The following OR10H1 variants were observed in gnomAD, a reference collection of about 807,000 sequenced individuals.
OR10H1 encodes the protein olfactory receptor family 10 subfamily H member 1.
A neutral mutation model predicts 13.1 loss-of-function variants in OR10H1; 12 were observed. The observed-to-expected ratio is 0.92, with a 90% CI of 0.59 to 1.48. OR10H1 has a LOEUF of 1.48. Among genes scored for constraint, OR10H1 ranks in the 40% most tolerant of loss-of-function variants. The pLI, the probability that OR10H1 is intolerant of heterozygous loss-of-function variation, is 0.00. For missense variants in OR10H1, 363 were observed against 413.1 expected, an observed-to-expected ratio of 0.88 and a Z score of 1.05; for synonymous variants, 168 against 175.6, an observed-to-expected ratio of 0.96 and a Z score of 0.34.
intron 1 of OR10H1, among the ~76,000 whole-genome samples, chr19:15,814,488 AGAGAGAGAGAGAGAGAGAGAGAGAG>A (rs1289391810): frequency 1.1e-3 from 46 of 40,286 alleles, no homozygotes; most frequent in African/African-American, 4.7e-3. Flanking sequence ...TGTGAGAGAG[AGAGAGAGAGAGAGAGAGAGAGAGAG>A]AGAGAGAGAG....
rs1357839250 is a variant in OR10H1, at chr19:15,807,911, G to A, written c.127C>T (p.Leu43=). The A allele has an allele frequency of 1.2e-6, 2 of 1,614,098 alleles. No individual in the cohort carries two copies. The highest frequency in any genetic ancestry group is 1.7e-6 in the Non-Finnish European group (2 of 1,180,006). ...LMYLFTLLGN[L]LIMATVWSER... ...CTCCAGACGGTGGCCATGATGAGCA[G>A]GTTGCCCAGCAGCGTGAACAGGTAC... is the stretch of plus-strand genomic sequence containing the variant. The change falls in exon 4 of 4, where the codon CTG becomes TTG. Residue 43 remains leucine (L), a synonymous_variant. Transcript: ENST00000641419.
At chr19:15,814,466 TGTGTGTGTGTGTGTGA>T (rs2088952304) in intron 1 of OR10H1, among the ~76,000 whole-genome samples, 1 of 91,986 alleles carries the variant, frequency 1.1e-5, no homozygotes, top group East Asian at 2.3e-4. Context: ...TGTGTGTGTG[TGTGTGTGTGTGTGTGA>T]GAGAGAGAGA....
In OR10H1 at chr19:15,806,233, G is replaced by T. The variant is rs1292118623; in HGVS notation, c.*848C>A. 6.6e-6 allele frequency: 1 copy of T among 152,186 alleles called. No individual in the cohort carries two copies. Among genetic ancestry groups the T allele is most frequent in the Non-Finnish European group, 1.5e-5 (1 of 68,038 alleles). 9.4% of individuals were successfully genotyped at this position (152,186 alleles called of 1,614,324 possible). On this transcript the variant is annotated 3_prime_UTR_variant, in exon 4 of 4. Transcript: ENST00000641419. Reference sequence around the variant, plus strand: ...CTAACTGACACAGTTTCTTGCAGCAGATAGAAATAATCAAACCTGGTTTTC... The same window carrying T: ...CTAACTGACACAGTTTCTTGCAGCATATAGAAATAATCAAACCTGGTTTTC...
chr19:15,807,651 G>A lies in OR10H1; in HGVS notation c.387C>T (p.Pro129=). 1 of 1,614,108 alleles carries A rather than the reference G, an allele frequency of 6.2e-7. No individual in the cohort carries two copies. The highest frequency in any genetic ancestry group is 8.5e-7 in the Non-Finnish European group (1 of 1,180,000). ...GGCTCATGAGCACGTTGTAGCGCAG[G>A]GGGTGGCAGATGGCCACGTAGCGGT... ...GYDRYVAICH[P]LRYNVLMSPR... is the part of the protein sequence containing the mutation. Residue 129 remains proline (P), a synonymous_variant, in exon 4 of 4, where the codon CCC becomes CCT. Coordinates refer to ENST00000641419, the MANE Select transcript of OR10H1 (RefSeq NM_013940.4).
Position 15,805,694 on chromosome 19 carries a change from C to G in OR10H1, c.*1387G>C, listed in dbSNP as rs1262297799. ...AACTCCTGACCTCAGGGGATCCACC[C>G]ACCTTGGCCTCCCAAAGTGCTGGGA... On this transcript the variant is annotated 3_prime_UTR_variant, in exon 4 of 4. Coordinates refer to ENST00000641419, the MANE Select transcript of OR10H1 (RefSeq NM_013940.4). 6.6e-6 allele frequency: 1 copy of G among 152,344 alleles called. No homozygotes were observed. The highest frequency in any genetic ancestry group is 2.1e-4 in the South Asian group (1 of 4,824). The allele number at this position is 152,344 out of a possible 1,614,324, so 9.4% of individuals were successfully genotyped here. A position where few individuals can be genotyped will look rare whatever the true frequency, so the allele number is the denominator to read the frequency against.
At chr19:15,811,792 A>C (rs943113972) in intron 2 of OR10H1, among the ~76,000 whole-genome samples, 4 of 152,140 alleles carry the variant, frequency 2.6e-5, no homozygotes, top group African/African-American at 9.7e-5. Flanking sequence ...GCATTGGTTC[A>C]ATTCTCGCTC....
At chr19:15,815,290 G>A (rs548155998) in intron 1 of OR10H1, among the ~76,000 whole-genome samples, 1 of 150,392 alleles carries the variant, frequency 6.6e-6, no homozygotes, top group African/African-American at 2.5e-5. Context: ...GCAGTGAGCC[G>A]AGATTGCGCC....
chr19:15,807,131 T>C lies in OR10H1; in HGVS notation c.907A>G (p.Lys303Glu), dbSNP rs759303807. ...LRNKELKVAM[K>E]KTFFSKLYPE... ...TAGAGTTTACTGAAGAAGGTCTTCT[T>C]CATGGCGACCTTCAGCTCCTTGTTC... Residue 303 changes from lysine to glutamate, a missense_variant, in exon 4 of 4, where the codon AAG (lysine) becomes GAG (glutamate). Physicochemically the swap from Lys to Glu is moderately conservative, Grantham distance 56. This residue lies in a region of OR10H1 where 42 missense variants were observed against 30.3 expected (regional missense o/e 1.39). Coordinates refer to ENST00000641419, the MANE Select transcript of OR10H1 (RefSeq NM_013940.4). 18 of 1,614,142 alleles carry C rather than the reference T, an allele frequency of 1.1e-5. No homozygotes were observed. The highest frequency in any genetic ancestry group is 1.1e-4 in the East Asian group (5 of 44,882).
chr19:15,814,483 G>GT (rs2088955086), intron 1 of OR10H1, among the ~76,000 whole-genome samples: 5 of 32,744 alleles, frequency 1.5e-4, no homozygotes, highest in African/African-American at 4.7e-4. Flanking sequence ...GTGTGTGTGA[G>GT]AGAGAGAGAG....
intron 1 of OR10H1, among the ~76,000 whole-genome samples, 198 bp downstream of exon 1, chr19:15,815,357 A>AAAT (rs1197993149): frequency 1.3e-5 from 2 of 151,718 alleles, no homozygotes; most frequent in Non-Finnish European, 2.9e-5. Flanking sequence ...AAAAAAAAAA[A>AAAT]AATAGAAGAA....
At chr19:15,814,480 TGAGAGAGAGAGAGAGAGAGA>T (rs58307648) in intron 1 of OR10H1, among the ~76,000 whole-genome samples, 154 of 67,918 alleles carry the variant, frequency 2.3e-3, no homozygotes, top group African/African-American at 4.3e-3. Flanking sequence ...TGTGTGTGTG[TGAGAGAGAGAGAGAGAGAGA>T]GAGAGAGAGA....
Position 15,812,727 on chromosome 19 carries a change from A to T in OR10H1, c.-626T>A. ...AGAGTGAGATAGGAAGAAACGAGGGAGGGAGGAATGGAGGGAGGAAGGAAG... is the reference window on the plus strand; with the variant it reads ...AGAGTGAGATAGGAAGAAACGAGGGTGGGAGGAATGGAGGGAGGAAGGAAG... On this transcript the variant is annotated 5_prime_UTR_variant, in exon 2 of 4. Transcript: ENST00000641419. 1 of 142,308 alleles carries T rather than the reference A, an allele frequency of 7.0e-6. No homozygotes were observed. Among genetic ancestry groups the T allele is most frequent in the East Asian group, 2.7e-4 (1 of 3,718 alleles). 8.8% of individuals were successfully genotyped at this position (142,308 alleles called of 1,614,324 possible).
rs1599310025 is a variant in OR10H1, at chr19:15,804,995, T to G, written c.*2086A>C. 6.6e-6 allele frequency: 1 copy of G among 152,272 alleles called. No individual in the cohort carries two copies. The highest frequency in any genetic ancestry group is 2.4e-5 in the African/African-American group (1 of 41,474). The allele number at this position is 152,272 out of a possible 1,614,324, so 9.4% of individuals were successfully genotyped here. A position where few individuals can be genotyped will look rare whatever the true frequency, so the allele number is the denominator to read the frequency against. On this transcript the variant is annotated 3_prime_UTR_variant, in exon 4 of 4. Coordinates refer to ENST00000641419, the MANE Select transcript of OR10H1 (RefSeq NM_013940.4). ...CAGTGATGACGAGCATTTTTTCATA[T>G]GTTTTTTGGCTGCATAAATGTCTTC...
chr19:15,806,766 C>T lies in OR10H1; in HGVS notation c.*315G>A, dbSNP rs972751955. ...CTTCTTTGAGACAGTCTCACTCTGT[C>T]GCCCAGGCTGGAGTGCAGTGGTGTG... On this transcript the variant is annotated 3_prime_UTR_variant, in exon 4 of 4. Transcript: ENST00000641419. 1.1e-5 allele frequency: 3 copies of T among 262,222 alleles called. No individual in the cohort carries two copies. The highest frequency in any genetic ancestry group is 5.0e-5 in the Admixed American group (1 of 20,130). The allele number at this position is 262,222 out of a possible 1,614,324, so 16.2% of individuals were successfully genotyped here.
chr19:15,815,336 G>A (rs1245099084), intron 1 of OR10H1, among the ~76,000 whole-genome samples: 1 of 116,914 alleles, frequency 8.6e-6, no homozygotes, highest in Admixed American at 8.3e-5. Flanking sequence ...GCGAGATTCC[G>A]TCTCAAAAAA....
intron 1 of OR10H1, among the ~76,000 whole-genome samples, chr19:15,813,526 G>A (rs1189850170): frequency 2.0e-5 from 3 of 150,762 alleles, no homozygotes; most frequent in African/African-American, 7.3e-5. Context: ...CAGAGAGAGA[G>A]AGGTGGGGAG....
intron 1 of OR10H1, among the ~76,000 whole-genome samples, chr19:15,814,476 TGTGTGAGA>T (rs1332022903): frequency 1.7e-3 from 71 of 42,992 alleles, no homozygotes; most frequent in Non-Finnish European, 2.4e-3. Context: ...TGTGTGTGTG[TGTGTGAGA>T]GAGAGAGAGA....
At position 15,806,325 on chromosome 19, in the gene OR10H1, T is replaced by G. The variant is rs1394030004; in HGVS notation, c.*756A>C. ...CCCTGATGCTGATTAACCTTTGTGT[T>G]TATAATTGTATGTCGTCTACAAGGT... is the stretch of plus-strand genomic sequence containing the variant. On this transcript the variant is annotated 3_prime_UTR_variant, in exon 4 of 4. Transcript: ENST00000641419. 1 of 152,214 alleles carries G rather than the reference T, an allele frequency of 6.6e-6. No homozygotes were observed. Among genetic ancestry groups the G allele is most frequent in the African/African-American group, 2.4e-5 (1 of 41,456 alleles). 9.4% of individuals were successfully genotyped at this position (152,214 alleles called of 1,614,324 possible). A position where few individuals can be genotyped will look rare whatever the true frequency, so the allele number is the denominator to read the frequency against.
chr19:15,810,387 C>T (rs933980162), intron 2 of OR10H1, among the ~76,000 whole-genome samples: 2 of 150,120 alleles, frequency 1.3e-5, no homozygotes, highest in South Asian at 2.1e-4. Context: ...TGGAATCATA[C>T]GAGATGGGGC....
Sources: gnomAD v4.1 joint callset for allele counts (sites outside exome capture counted in the v4.1 genomes callset) on GRCh38, gnomAD v4.1.1 for gene constraint, gnomAD v4.1.1 regional missense constraint, MANE v1.5 for transcripts, NCBI Gene and HGNC (gene_info 2026-07-23, HGNC 2026-07-21) for gene names.